INPP4B: variants seen among roughly 807,000 people sequenced by gnomAD.
INPP4B encodes the protein inositol polyphosphate 4-phosphatase type II.
Under a neutral mutation model 122.5 loss-of-function variants are expected in INPP4B, and 55 were observed. The observed-to-expected ratio is 0.45, with a 90% confidence interval of 0.36 to 0.56. The LOEUF (loss-of-function observed/expected upper bound fraction) is 0.56. INPP4B is among the 20% of genes least tolerant of loss of function. INPP4B has a pLI of 0.00. For missense variants in INPP4B, 1,000 were observed against 1,097.7 expected, an observed-to-expected ratio of 0.91 and a Z score of 1.26; for synonymous variants, 403 against 388.7, an observed-to-expected ratio of 1.04 and a Z score of -0.43.
At chr4:142,502,929 G>A (rs1823575417) in intron 2 of INPP4B, among the ~76,000 whole-genome samples, 1 of 151,978 alleles carries the variant, frequency 6.6e-6, no homozygotes, top group Non-Finnish European at 1.5e-5. Flanking sequence ...ACTTTACTCT[G>A]CCAGGCAAGT....
chr4:142,563,500 GATAGAA>G (rs1730905088), intron 2 of INPP4B, among the ~76,000 whole-genome samples: 1 of 152,130 alleles, frequency 6.6e-6, no homozygotes. Flanking sequence ...CAATAGCAGT[GATAGAA>G]ATAGAAAATT....
intron 2 of INPP4B, among the ~76,000 whole-genome samples, chr4:142,686,081 G>A (rs1039182412): frequency 6.6e-6 from 1 of 152,002 alleles, no homozygotes; most frequent in Admixed American, 6.6e-5. Flanking sequence ...GGTTGGAACT[G>A]GGACTGCAAA....
intron 2 of INPP4B, 168 bp from the exon 3 acceptor site, chr4:142,462,894 T>A (rs1042865272): frequency 6.6e-6 from 1 of 152,214 alleles, no homozygotes; most frequent in Admixed American, 6.5e-5. Context: ...CTTATTTCTA[T>A]CCCAAATTAG....
rs144446421 is a variant in INPP4B at position 142,823,141 on chromosome 4, C to T, written c.-254+23068G>A. ...TCACTGGTCAGAACTAGTCACTTGG[C>T]CACCCACCCACAAGGGGCTAGGAAG... On this transcript the variant is annotated intron_variant, in intron 1 of 25. Coordinates refer to ENST00000262992, the MANE Select transcript of INPP4B (RefSeq NM_001101669.3). 8.7e-3 allele frequency among the ~76,000 whole-genome samples: 1,323 copies of T among 152,246 alleles called. 11 individuals carry two copies. The highest frequency in any genetic ancestry group is 0.015 in the Non-Finnish European group (1,046 of 68,004).
At chr4:142,029,226 A>G in intron 25 of INPP4B, 5 of 1,031,054 alleles carry the variant, frequency 4.8e-6, no homozygotes, top group African/African-American at 1.7e-5. Context: ...CTGCCTTTTT[A>G]TAACATTTCC....
chr4:142,703,911 A>C (rs75491314), intron 2 of INPP4B, among the ~76,000 whole-genome samples: 6,301 of 152,264 alleles, frequency 0.041, 157 homozygotes, highest in African/African-American at 0.056. Context: ...TGAGAACATT[A>C]CCTTCAAAGT....
chr4:142,401,931 T>G (rs1437679496), intron 7 of INPP4B, among the ~76,000 whole-genome samples: 1 of 152,196 alleles, frequency 6.6e-6, no homozygotes, highest in Non-Finnish European at 1.5e-5. Context: ...CCCTTCAATA[T>G]AGAATATTTT....
chr4:142,537,471 G>T (rs866283685), intron 2 of INPP4B, among the ~76,000 whole-genome samples: 18 of 85,902 alleles, frequency 2.1e-4, no homozygotes, highest in East Asian at 1.7e-3. Flanking sequence ...GAGAGAGAGA[G>T]ATACACATAC....
intron 2 of INPP4B, among the ~76,000 whole-genome samples, chr4:142,546,122 G>A (rs904391124): frequency 4.6e-5 from 7 of 151,898 alleles, no homozygotes; most frequent in Admixed American, 2.6e-4. Context: ...TGTGTGTGTC[G>A]TTCCTCTCTA....
At chr4:142,545,808 C>CACATATATGTGTGTATAT (rs1829559920) in intron 2 of INPP4B, among the ~76,000 whole-genome samples, 1 of 80,166 alleles carries the variant, frequency 1.2e-5, no homozygotes, top group Non-Finnish European at 2.9e-5. Flanking sequence ...TATATATACA[C>CACATATATGTGTGTATAT]ATATACATGT....
At chr4:142,127,120 C>T (rs1476305081) in intron 18 of INPP4B, among the ~76,000 whole-genome samples, 2 of 152,142 alleles carry the variant, frequency 1.3e-5, no homozygotes, top group Non-Finnish European at 2.9e-5. Context: ...CTACTTTGCA[C>T]TTACTGCATT....
intron 2 of INPP4B, among the ~76,000 whole-genome samples, chr4:142,548,524 A>G (rs1375022996): frequency 1.3e-5 from 2 of 152,166 alleles, no homozygotes; most frequent in Admixed American, 6.6e-5. Flanking sequence ...TTAAAACTTA[A>G]TTGCCTCCAT....
At chr4:142,258,766 C>G in intron 11 of INPP4B, among the ~76,000 whole-genome samples, 2 of 152,134 alleles carry the variant, frequency 1.3e-5, no homozygotes, top group Non-Finnish European at 2.9e-5. Context: ...GGACTGTAAA[C>G]TAGTTCAATC....
chr4:142,792,848 G>T (rs1776742163), intron 1 of INPP4B, among the ~76,000 whole-genome samples: 1 of 151,990 alleles, frequency 6.6e-6, no homozygotes, highest in South Asian at 2.1e-4. Flanking sequence ...AAGTGCCCAA[G>T]ATATTTTTAG....
intron 8 of INPP4B, among the ~76,000 whole-genome samples, chr4:142,306,139 T>C (rs1763262244): frequency 6.6e-6 from 1 of 152,136 alleles, no homozygotes; most frequent in African/African-American, 2.4e-5. Context: ...TTTAAATTGC[T>C]TTTTTAGTCT....
intron 1 of INPP4B, among the ~76,000 whole-genome samples, chr4:142,770,060 A>G (rs745818442): frequency 1.8e-4 from 28 of 152,230 alleles, no homozygotes; most frequent in Non-Finnish European, 3.4e-4. Context: ...GACCAACTGT[A>G]GCTCTTTGAG....
intron 2 of INPP4B, among the ~76,000 whole-genome samples, chr4:142,614,046 G>C (rs1370284368): frequency 6.6e-6 from 1 of 152,140 alleles, no homozygotes; most frequent in Non-Finnish European, 1.5e-5. Context: ...GTTCTTAATA[G>C]TAACTGAAAC....
chr4:142,835,906 T>C (rs538116645), intron 1 of INPP4B, among the ~76,000 whole-genome samples: 1 of 152,270 alleles, frequency 6.6e-6, no homozygotes, highest in South Asian at 2.1e-4. Context: ...GAGACACCAT[T>C]AGGCCAAACG....
intron 7 of INPP4B, among the ~76,000 whole-genome samples, chr4:142,376,806 A>G (rs1792037355): frequency 6.6e-6 from 1 of 152,070 alleles, no homozygotes; most frequent in Non-Finnish European, 1.5e-5. Flanking sequence ...ATTTTGAGCA[A>G]ATTACTCAAA....
Sources: gnomAD v4.1 joint callset for allele counts (sites outside exome capture counted in the v4.1 genomes callset) on GRCh38, gnomAD v4.1.1 for gene constraint, MANE v1.5 for transcripts, NCBI Gene and HGNC (gene_info 2026-07-23, HGNC 2026-07-21) for gene names.